Variants in SPOCK3 observed in about 807,000 individuals in gnomAD.
The protein encoded by SPOCK3 is testican-3.
Under a neutral mutation model 56.6 loss-of-function variants are expected in SPOCK3, and 30 were observed. That is an observed-to-expected ratio of 0.53 (90% confidence interval 0.40 to 0.72). SPOCK3 has a LOEUF of 0.72. Ranked by LOEUF, SPOCK3 falls within the 30% of genes least tolerant of loss-of-function variation. The pLI, the probability that SPOCK3 is intolerant of heterozygous loss-of-function variation, is 0.00. For missense variants in SPOCK3, 527 were observed against 530.0 expected (o/e 0.99, Z 0.06); for synonymous variants, 196 against 183.3 (o/e 1.07, Z -0.56).
chr4:167,055,323 C>A (rs2150229279), intron 3 of SPOCK3, among the ~76,000 whole-genome samples: 1 of 152,148 alleles, frequency 6.6e-6, no homozygotes, highest in South Asian at 2.1e-4. Context: ...AGAGGGGAGC[C>A]AAGATGGCCA....
chr4:167,194,469 T>C (rs549592214), intron 2 of SPOCK3, among the ~76,000 whole-genome samples: 3 of 152,294 alleles, frequency 2.0e-5, no homozygotes, highest in African/African-American at 4.8e-5. Flanking sequence ...TTGTGTGGTG[T>C]CATGTTTTAC....
chr4:167,194,919 T>C (rs926843765), intron 2 of SPOCK3, among the ~76,000 whole-genome samples: 2 of 152,186 alleles, frequency 1.3e-5, no homozygotes, highest in African/African-American at 4.8e-5. Context: ...ATTCGGTCCC[T>C]GTAAAGATAC....
At chr4:166,873,653 G>A (rs1732743226) in intron 6 of SPOCK3, among the ~76,000 whole-genome samples, 1 of 152,128 alleles carries the variant, frequency 6.6e-6, no homozygotes, top group African/African-American at 2.4e-5. Flanking sequence ...GAATCATAGT[G>A]TAGATAAATT....
intron 8 of SPOCK3, among the ~76,000 whole-genome samples, 191 bp from the exon 9 acceptor site, chr4:166,742,250 T>G (rs1579085194): frequency 1.0e-5 from 1 of 98,586 alleles, no homozygotes; most frequent in African/African-American, 4.3e-5. Flanking sequence ...TCTATCTATC[T>G]ATCTATCTAT....
chr4:166,797,233 C>CTTTTTTTTTTTTTT (rs1028695610), intron 6 of SPOCK3, among the ~76,000 whole-genome samples: 4 of 80,752 alleles, frequency 5.0e-5, no homozygotes, highest in African/African-American at 1.4e-4. Context: ...TTCCACCTTT[C>CTTTTTTTTTTTTTT]TTTTTTTTTT....
At chr4:167,033,215 C>A (rs920173372) in intron 3 of SPOCK3, among the ~76,000 whole-genome samples, 1 of 151,446 alleles carries the variant, frequency 6.6e-6, no homozygotes, top group African/African-American at 2.4e-5. Context: ...GGAATTCTTC[C>A]CTAGTGCCAA....
chr4:166,964,162 C>G (rs1744452203), intron 4 of SPOCK3, among the ~76,000 whole-genome samples: 1 of 151,450 alleles, frequency 6.6e-6, no homozygotes, highest in Non-Finnish European at 1.5e-5. Context: ...AAAGGATAAA[C>G]AGTCCTGTAT....
At chr4:166,905,820 C>G (rs191714850) in intron 5 of SPOCK3, among the ~76,000 whole-genome samples, 30 of 151,908 alleles carry the variant, frequency 2.0e-4, no homozygotes, top group African/African-American at 7.0e-4. Flanking sequence ...AACAATATAA[C>G]AATATACTAT....
chr4:167,078,317 T>C lies in SPOCK3; in HGVS notation c.190-15780A>G, dbSNP rs10033418. 2.7e-3 allele frequency among the ~76,000 whole-genome samples: 78 copies of C among 29,206 alleles called. 1 individual carries two copies. Among genetic ancestry groups the C allele is most frequent in the Middle Eastern group, 0.014 (1 of 72 alleles). The allele number at this position is 29,206 out of a possible 152,430, so 19.2% of individuals were successfully genotyped here. A position where few individuals can be genotyped will look rare whatever the true frequency, so the allele number is the denominator to read the frequency against. ...TATCCAGGTCATAACTCTGTGTGTG[T>C]GTGTGTGTGTGTGTGTGTGTGTGTG... On this transcript the variant is annotated intron_variant, in intron 2 of 10. Transcript: ENST00000357545.
intron 3 of SPOCK3, among the ~76,000 whole-genome samples, chr4:167,043,518 C>T (rs1050376880): frequency 6.6e-6 from 1 of 151,998 alleles, no homozygotes; most frequent in African/African-American, 2.4e-5. Context: ...AAGGAACATT[C>T]TTATTCCTGA....
At chr4:167,091,373 C>T (rs1169073690) in intron 2 of SPOCK3, among the ~76,000 whole-genome samples, 1 of 152,104 alleles carries the variant, frequency 6.6e-6, no homozygotes, top group Non-Finnish European at 1.5e-5. Context: ...TGAAGATCAG[C>T]ATGGAATTAC....
At chr4:166,906,339 T>A (rs954781299) in intron 5 of SPOCK3, among the ~76,000 whole-genome samples, 24 of 152,076 alleles carry the variant, frequency 1.6e-4, no homozygotes, top group Admixed American at 5.3e-4. Context: ...GCCACTTTTT[T>A]AAAAATTTTG....
intron 7 of SPOCK3, among the ~76,000 whole-genome samples, chr4:166,781,699 A>C (rs1156368692): frequency 6.6e-6 from 1 of 152,122 alleles, no homozygotes; most frequent in Non-Finnish European, 1.5e-5. Context: ...CAACCAATCA[A>C]ACAAACAGAT....
chr4:166,799,057 A>G (rs748590650), intron 6 of SPOCK3, among the ~76,000 whole-genome samples: 1 of 152,154 alleles, frequency 6.6e-6, no homozygotes, highest in Non-Finnish European at 1.5e-5. Flanking sequence ...GTTTGGGGGC[A>G]ATGTTGCAGG....
At chr4:166,835,998 C>T (rs1253392743) in intron 6 of SPOCK3, among the ~76,000 whole-genome samples, 1 of 152,086 alleles carries the variant, frequency 6.6e-6, no homozygotes, top group East Asian at 1.9e-4. Flanking sequence ...AAGAGCAAAA[C>T]TCTTGTCTCA....
At chr4:166,754,180 C>G in intron 8 of SPOCK3, 1 of 1,031,920 alleles carries the variant, frequency 9.7e-7, no homozygotes, top group African/African-American at 1.7e-5. Flanking sequence ...GTGGGCAAAG[C>G]AGATAGCAAA....
At chr4:167,085,014 G>C (rs1370865340) in intron 2 of SPOCK3, among the ~76,000 whole-genome samples, 1 of 151,910 alleles carries the variant, frequency 6.6e-6, no homozygotes, top group African/African-American at 2.4e-5. Context: ...CAGGGTGATG[G>C]GTTCACTTGA....
intron 3 of SPOCK3, among the ~76,000 whole-genome samples, chr4:167,057,907 G>A (rs976209705): frequency 3.3e-5 from 5 of 152,062 alleles, no homozygotes; most frequent in African/African-American, 4.8e-5. Context: ...GGATACCCAG[G>A]AGTTAAACTC....
rs548444658 is a variant in SPOCK3 at position 167,124,110 on chromosome 4, C to T, written c.190-61573G>A. Reference sequence around the variant, plus strand: ...ATTCTGGATACCACCCCCATATATTCCTCCCACCTATTATCTTTTGTTGCT... The same window carrying T: ...ATTCTGGATACCACCCCCATATATTTCTCCCACCTATTATCTTTTGTTGCT... On this transcript the variant is annotated intron_variant, in intron 2 of 10. Transcript: ENST00000357545. Among the ~76,000 whole-genome samples the T allele has an allele frequency of 2.0e-5, 3 of 152,194 alleles. No individual in the cohort carries two copies. In the South Asian group the frequency reaches 6.2e-4, roughly 32 times the overall value.
Sources: gnomAD v4.1 joint callset for allele counts (sites outside exome capture counted in the v4.1 genomes callset) on GRCh38, gnomAD v4.1.1 for gene constraint, MANE v1.5 for transcripts, NCBI Gene and HGNC (gene_info 2026-07-23, HGNC 2026-07-21) for gene names.